PARN: variants seen among roughly 807,000 people sequenced by gnomAD.
PARN encodes poly(A)-specific ribonuclease PARN.
In PARN, 71 loss-of-function variants were observed where a neutral mutation model predicts 102.8. The observed-to-expected ratio is 0.69, with a 90% CI of 0.57 to 0.84. PARN has a LOEUF of 0.84. Among genes scored for constraint, PARN ranks in the 40% least tolerant of loss-of-function variants. The pLI is 0.00. For missense variants in PARN, 782 were observed against 760.9 expected (o/e 1.03, Z -0.33); for synonymous variants, 261 against 252.9 (o/e 1.03, Z -0.30).
intron 9 of PARN, among the ~76,000 whole-genome samples, chr16:14,606,754 A>T (rs1205548889): frequency 6.6e-6 from 1 of 150,636 alleles, no homozygotes; most frequent in Non-Finnish European, 1.5e-5. Context: ...CTTCAAATTA[A>T]TTTTTTTTAG....
At chr16:14,470,582 C>T (rs1023724196) in intron 22 of PARN, among the ~76,000 whole-genome samples, 7 of 146,206 alleles carry the variant, frequency 4.8e-5, no homozygotes, top group South Asian at 2.2e-4. Flanking sequence ...CTCAGCCTCC[C>T]GCCACAGCTG....
chr16:14,604,256 T>C, intron 10 of PARN, 30 bp from the exon 11 acceptor site: 1 of 1,392,664 alleles, frequency 7.2e-7, no homozygotes, highest in Non-Finnish European at 9.9e-7. Flanking sequence ...TATACAATTT[T>C]CTTTTCTTTT....
intron 21 of PARN, among the ~76,000 whole-genome samples, chr16:14,535,165 T>C (rs1371711518): frequency 1.3e-5 from 2 of 152,192 alleles, no homozygotes; most frequent in Non-Finnish European, 2.9e-5. Context: ...GTTTACTTTT[T>C]ATAATCTTAT....
At chr16:14,494,858 G>A (rs1384830094) in intron 21 of PARN, among the ~76,000 whole-genome samples, 1 of 152,176 alleles carries the variant, frequency 6.6e-6, no homozygotes, top group Non-Finnish European at 1.5e-5. Context: ...GGGCAGTGCA[G>A]GGTTGTGCCA....
chr16:14,617,419 T>C (rs1055148784), intron 6 of PARN, among the ~76,000 whole-genome samples, 171 bp downstream of exon 6: 1 of 150,972 alleles, frequency 6.6e-6, no homozygotes, highest in African/African-American at 2.4e-5. Flanking sequence ...AGTAAGCAAG[T>C]TTTTAAAAAT....
intron 5 of PARN, among the ~76,000 whole-genome samples, chr16:14,618,216 G>A (rs1243078660): frequency 2.6e-5 from 4 of 152,020 alleles, no homozygotes; most frequent in African/African-American, 4.8e-5. Flanking sequence ...TGCCAGGCGC[G>A]GTGGCTGACA....
intron 13 of PARN, among the ~76,000 whole-genome samples, chr16:14,591,527 C>T (rs1191652303): frequency 6.6e-6 from 1 of 152,106 alleles, no homozygotes; most frequent in South Asian, 2.1e-4. Flanking sequence ...AATTGGTTTA[C>T]GTATTCTATG....
intron 5 of PARN, among the ~76,000 whole-genome samples, chr16:14,625,962 T>C (rs551018110): frequency 2.0e-5 from 3 of 152,200 alleles, no homozygotes; most frequent in Non-Finnish European, 4.4e-5. Flanking sequence ...TTACAACAGA[T>C]AATCAAAAGA....
At chr16:14,514,872 C>T (rs1390847287) in intron 21 of PARN, among the ~76,000 whole-genome samples, 1 of 152,178 alleles carries the variant, frequency 6.6e-6, no homozygotes, top group African/African-American at 2.4e-5. Context: ...AAGCATATAG[C>T]AGACACTCCA....
intron 5 of PARN, among the ~76,000 whole-genome samples, chr16:14,625,684 G>T (rs1972602506): frequency 1.3e-5 from 2 of 152,134 alleles, no homozygotes; most frequent in Non-Finnish European, 2.9e-5. Context: ...ATAAGCATAT[G>T]ATTAACTCTC....
At chr16:14,529,268 C>T (rs1966184004) in intron 21 of PARN, among the ~76,000 whole-genome samples, 1 of 152,142 alleles carries the variant, frequency 6.6e-6, no homozygotes. Context: ...TTTTACTTGG[C>T]GTTGGAAAGG....
chr16:14,602,776 T>C (rs549907446), intron 11 of PARN, among the ~76,000 whole-genome samples: 1 of 152,254 alleles, frequency 6.6e-6, no homozygotes, highest in African/African-American at 2.4e-5. Flanking sequence ...CAGTTCCTCA[T>C]TGCCTCCTGG....
intron 6 of PARN, among the ~76,000 whole-genome samples, chr16:14,614,424 C>A (rs1309367232): frequency 1.3e-5 from 2 of 152,162 alleles, no homozygotes; most frequent in East Asian, 3.8e-4. Flanking sequence ...ACTAAAGTCA[C>A]CCAGAGAGGG....
chr16:14,513,644 T>G (rs1433783977), intron 21 of PARN, among the ~76,000 whole-genome samples: 1 of 152,184 alleles, frequency 6.6e-6, no homozygotes, highest in Non-Finnish European at 1.5e-5. Context: ...GGCACTGGCC[T>G]TCTGCCACTC....
chr16:14,453,362 G>A lies in PARN; in HGVS notation c.1671-6281C>T, dbSNP rs77507835. ...AGAAATGTTTGCTTATAGAAAGGCCGTATTTTCAAACCCCTACAAATACCT... is the reference window on the plus strand; with the variant it reads ...AGAAATGTTTGCTTATAGAAAGGCCATATTTTCAAACCCCTACAAATACCT... On this transcript the variant is annotated intron_variant, in intron 22 of 23. Transcript: ENST00000437198. Among the ~76,000 whole-genome samples, 989 of 152,208 alleles carry A rather than the reference G, an allele frequency of 6.5e-3. 62 individuals are homozygous for A. The East Asian group carries it at 0.15, about 23-fold the overall frequency.
intron 18 of PARN, among the ~76,000 whole-genome samples, chr16:14,567,914 C>T (rs1968526018): frequency 6.6e-6 from 1 of 152,322 alleles, no homozygotes; most frequent in East Asian, 1.9e-4. Context: ...AATTAAGATG[C>T]AAAGACAGTT....
At chr16:14,623,785 C>T (rs756962907) in intron 5 of PARN, among the ~76,000 whole-genome samples, 19 of 149,532 alleles carry the variant, frequency 1.3e-4, no homozygotes, top group Non-Finnish European at 2.2e-4. Context: ...TGCAGTGAGC[C>T]GAAATCACAC....
chr16:14,615,841 C>T (rs1436247685), intron 6 of PARN, among the ~76,000 whole-genome samples: 5 of 149,460 alleles, frequency 3.3e-5, no homozygotes, highest in East Asian at 2.0e-4. Flanking sequence ...GTGGAGGCTG[C>T]GGTGAGTCGA....
chr16:14,512,564 G>A (rs1256567014), intron 21 of PARN, among the ~76,000 whole-genome samples: 1 of 152,164 alleles, frequency 6.6e-6, no homozygotes. Context: ...CTGGGGGAAT[G>A]GTGTGTCTAT....
Sources: gnomAD v4.1 joint callset for allele counts (sites outside exome capture counted in the v4.1 genomes callset) on GRCh38, gnomAD v4.1.1 for gene constraint, MANE v1.5 for transcripts, NCBI Gene and HGNC (gene_info 2026-07-23, HGNC 2026-07-21) for gene names.